The following SYNE1 variants were observed in gnomAD, a reference collection of about 807,000 sequenced individuals.
The protein encoded by SYNE1 is spectrin repeat containing nuclear envelope protein 1, also known as nesprin-1.
Under a neutral mutation model 1,111.0 loss-of-function variants are expected in SYNE1, and 616 were observed. The ratio of observed to expected loss-of-function variants is 0.55; its 90% confidence interval spans 0.52 to 0.59. SYNE1 has a LOEUF of 0.59. Among genes scored for constraint, SYNE1 ranks in the 20% least tolerant of loss-of-function variants. The probability of loss-of-function intolerance (pLI) is 0.00; values close to 1 mark genes in which losing one functional copy is unlikely to be tolerated. For synonymous variants in SYNE1, 3,855 were observed against 3,825.8 expected (o/e 1.01, Z -0.28); for missense variants, 10,006 against 10,417.0 (o/e 0.96, Z 1.72).
chr6:152,141,387 T>A, intron 138 of SYNE1, 58 bp from the exon 139 acceptor site: 1 of 1,607,978 alleles, frequency 6.2e-7, no homozygotes, highest in Non-Finnish European at 8.5e-7. Context: ...TGCAAAAGCT[T>A]CCGGGGAAAA....
rs1563019064 is a variant in SYNE1, at chr6:152,148,087, C to T, written c.24934G>A (p.Asp8312Asn). 1 of 1,614,088 alleles carries T rather than the reference C, an allele frequency of 6.2e-7. No individual in the cohort carries two copies. Among genetic ancestry groups the T allele is most frequent in the African/African-American group, 1.3e-5 (1 of 74,936 alleles). ...CCCCGGAGGTAGAAATCTTTGTCAT[C>T]CTGACCTTCTTCATCCTCAGAGGGC... Reference protein sequence around the residue: ...ALPSEDEEGQDDKDFYLRGAV... With the variant: ...ALPSEDEEGQNDKDFYLRGAV... Residue 8312 changes from aspartate to asparagine, a missense_variant, in exon 137 of 146, where the codon GAT (aspartate) becomes AAT (asparagine). Physicochemically the swap from Asp to Asn is conservative, Grantham distance 23. Transcript: ENST00000367255. The surrounding 1 kb of genome is among the most constrained non-coding windows in gnomAD (Gnocchi z 4.1).
chr6:152,353,629 T>A lies in SYNE1; in HGVS notation c.11042A>T (p.Gln3681Leu). ...CAGGGCCTGGTATCTGGAAGTCAGC[T>A]GGGTGGCCTGGCAACCCATTCTGCT... ...VNSRMGCQAT[Q>L]LTSRYQALLL... The change falls in exon 68 of 146, where the codon CAG becomes CTG. Residue 3681 changes from glutamine (Q) to leucine (L), a missense_variant. Coordinates refer to ENST00000367255, the MANE Select transcript of SYNE1 (RefSeq NM_182961.4). The A allele has an allele frequency of 6.2e-7, 1 of 1,614,220 alleles. No individual in the cohort carries two copies. The highest frequency in any genetic ancestry group is 8.5e-7 in the Non-Finnish European group (1 of 1,180,046).
chr6:152,332,826 A>C (rs1009102591), intron 77 of SYNE1, among the ~76,000 whole-genome samples: 3 of 152,206 alleles, frequency 2.0e-5, no homozygotes, highest in African/African-American at 7.2e-5. Flanking sequence ...GGAATATTGT[A>C]GTCTTTTTTA....
Position 152,309,909 on chromosome 6 carries a change from G to A in SYNE1, c.17128C>T (p.His5710Tyr), listed in dbSNP as rs1468547866. Residue 5710 changes from histidine (H) to tyrosine (Y), a missense_variant, in exon 90 of 146, where the codon CAT (histidine) becomes TAT (tyrosine). This residue lies in a region of SYNE1 where 4,955 missense variants were observed against 5,017.2 expected (regional missense o/e 0.99). Coordinates refer to ENST00000367255, the MANE Select transcript of SYNE1 (RefSeq NM_182961.4). ...EDVVASLPLC[H>Y]AALRLQEEAS... ...TCTTCCTGCAGCCGCAGAGCAGCAT[G>A]ACAGAGAGGTAAGCTGGCAACCACA... 1.9e-6 allele frequency: 3 copies of A among 1,614,148 alleles called. No homozygotes were observed.
intron 108 of SYNE1, 22 bp from the exon 109 acceptor site, chr6:152,236,970 G>A (rs2084245485): frequency 6.2e-7 from 1 of 1,606,374 alleles, no homozygotes; most frequent in Non-Finnish European, 8.5e-7. Flanking sequence ...ACATGAGTCT[G>A]TGAGCTAAAA....
chr6:152,337,946 G>A (rs1462507721), intron 75 of SYNE1, among the ~76,000 whole-genome samples: 1 of 152,038 alleles, frequency 6.6e-6, no homozygotes, highest in Non-Finnish European at 1.5e-5. Context: ...TCAGGAATTC[G>A]AGACCCACCT....
In SYNE1 at chr6:152,505,330, T is replaced by A. The variant is rs368859645; in HGVS notation, c.649A>T (p.Ile217Phe). The A allele has an allele frequency of 6.2e-7, 1 of 1,614,116 alleles. No homozygotes were observed. The highest frequency in any genetic ancestry group is 1.3e-5 in the African/African-American group (1 of 75,028). Residue 217 changes from isoleucine to phenylalanine, a missense_variant, in exon 9 of 146, where the codon ATT becomes TTT. Ile to Phe is a conservative substitution (Grantham distance 21). Coordinates refer to ENST00000367255, the MANE Select transcript of SYNE1 (RefSeq NM_182961.4). ...ACCAATTCCGGTCGAATGGCATGAA[T>A]AACTGAATGAAAGGCAACCCCGCTT... ...WRSGVAFHSV[I>F]HAIRPELVDL...
chr6:152,164,626 T>A (rs2063241896), intron 130 of SYNE1, among the ~76,000 whole-genome samples: 2 of 152,168 alleles, frequency 1.3e-5, no homozygotes, highest in South Asian at 4.1e-4. Flanking sequence ...GAACCACAGG[T>A]AGTATTTCTC....
chr6:152,584,555 A>T (rs888798481), intron 3 of SYNE1, among the ~76,000 whole-genome samples: 1 of 152,032 alleles, frequency 6.6e-6, no homozygotes, highest in Admixed American at 6.6e-5. Flanking sequence ...GGTGTGTACC[A>T]CCATGCCCAA....
At chr6:152,622,766 C>G (rs924096470) in intron 3 of SYNE1, among the ~76,000 whole-genome samples, 1 of 151,940 alleles carries the variant, frequency 6.6e-6, no homozygotes, top group Non-Finnish European at 1.5e-5. Context: ...ATTTATATTC[C>G]TTTGGGTATA....
At chr6:152,158,113 T>C (rs577479335) in intron 131 of SYNE1, among the ~76,000 whole-genome samples, 2 of 152,326 alleles carry the variant, frequency 1.3e-5, no homozygotes, top group East Asian at 1.9e-4. Context: ...AAACAAAGCA[T>C]TGGATTTCCC....
At chr6:152,255,560 T>C (rs772028381) in intron 103 of SYNE1, 31 bp downstream of exon 103, 7 of 1,613,314 alleles carry the variant, frequency 4.3e-6, no homozygotes, top group Non-Finnish European at 5.9e-6. Context: ...TGTAATGTTA[T>C]ACACACACAG....
Position 152,381,161 on chromosome 6 carries a change from C to T in SYNE1, c.8854G>A (p.Ala2952Thr), listed in dbSNP as rs1266930294. Residue 2952 changes from alanine to threonine, a missense_variant, in exon 56 of 146, where the codon GCC becomes ACC. Transcript: ENST00000367255. ...SCLENLVSQM[A>T]LSEQEFSGQV... The stretch of plus-strand genomic sequence containing the variant: ...CCTGAGAATTCCTGCTCCGAAAGGG[C>T]CATCTGGCTGACCAGGTTCTCCAAA... The T allele has an allele frequency of 4.3e-6, 7 of 1,614,214 alleles. No homozygotes were observed. The highest frequency in any genetic ancestry group is 5.9e-6 in the Non-Finnish European group (7 of 1,180,046).
chr6:152,279,987 T>C (rs1160464418), intron 97 of SYNE1, among the ~76,000 whole-genome samples: 1 of 152,134 alleles, frequency 6.6e-6, no homozygotes, highest in Non-Finnish European at 1.5e-5. Flanking sequence ...TAATATGGAA[T>C]ACATCACAAC....
At chr6:152,140,448 G>A (rs149459475) in intron 139 of SYNE1, among the ~76,000 whole-genome samples, 15 of 152,254 alleles carry the variant, frequency 9.9e-5, no homozygotes, top group African/African-American at 2.2e-4. Context: ...ACGAACGATC[G>A]TTCAATTCTT....
At position 152,186,594 on chromosome 6, in the gene SYNE1, AAAG is replaced by A. The variant is rs1563314254; in HGVS notation, c.23301+2655_23301+2657del. On this transcript the variant is annotated intron_variant, in intron 128 of 145. Coordinates refer to ENST00000367255, the MANE Select transcript of SYNE1 (RefSeq NM_182961.4). ...AAAAAAAAAAAAAAAAAAAAAAAAA[AAAG>A]AAGAAGAAGAAAATTAGAAGGGAAG... Among the ~76,000 whole-genome samples, 236 of 128,034 alleles carry A rather than the reference AAAG, an allele frequency of 1.8e-3. 7 individuals are homozygous for A. Among genetic ancestry groups the A allele is most frequent in the African/African-American group, 5.8e-3 (187 of 32,382 alleles). The allele number at this position is 128,034 out of a possible 152,430, so 84.0% of individuals were successfully genotyped here. A position where few individuals can be genotyped will look rare whatever the true frequency, so the allele number is the denominator to read the frequency against.
chr6:152,265,020 C>G (rs2092534474), intron 100 of SYNE1, among the ~76,000 whole-genome samples: 1 of 151,898 alleles, frequency 6.6e-6, no homozygotes, highest in Non-Finnish European at 1.5e-5. Flanking sequence ...ACCAGCCTGG[C>G]CAACATGGTG....
In SYNE1 at chr6:152,323,468, G is replaced by T. The variant is rs1434685633; in HGVS notation, c.15917+10C>A. 1 of 1,611,946 alleles carries T rather than the reference G, an allele frequency of 6.2e-7. No homozygotes were observed. The highest frequency in any genetic ancestry group is 1.1e-5 in the South Asian group (1 of 91,078). On this transcript the variant is annotated intron_variant, in intron 82 of 145. Coordinates refer to ENST00000367255, the MANE Select transcript of SYNE1 (RefSeq NM_182961.4). ...AACAAACAAAAGAATGAAAGTAGGT[G>T]CTTAATTACTTCAGGCACCGATCTT...
chr6:152,238,722 C>T (rs940323254), intron 108 of SYNE1, among the ~76,000 whole-genome samples: 1 of 151,884 alleles, frequency 6.6e-6, no homozygotes, highest in African/African-American at 2.4e-5. Context: ...AATGAGAAAG[C>T]AGGAACAGTT....
Sources: gnomAD v4.1 joint callset for allele counts (sites outside exome capture counted in the v4.1 genomes callset) on GRCh38, gnomAD v4.1.1 for gene constraint, gnomAD v4.1.1 regional missense constraint, Gnocchi (gnomAD v3.1) non-coding constraint, MANE v1.5 for transcripts, NCBI Gene and HGNC (gene_info 2026-07-23, HGNC 2026-07-21) for gene names.